The following SRPK2 variants were observed in gnomAD, a reference collection of about 807,000 sequenced individuals.
The protein encoded by SRPK2 is SRSF protein kinase 2, also known as SFRS protein kinase 2.
Under a neutral mutation model 90.8 loss-of-function variants are expected in SRPK2, and 21 were observed. The observed-to-expected ratio is 0.23, with a 90% CI of 0.16 to 0.33. The LOEUF (loss-of-function observed/expected upper bound fraction) is 0.33. Ranked by LOEUF, SRPK2 falls within the 10% of genes least tolerant of loss-of-function variation. The pLI, the probability that SRPK2 is intolerant of heterozygous loss-of-function variation, is 1.00. For missense variants in SRPK2, 620 were observed against 869.0 expected (o/e 0.71, Z 3.60); for synonymous variants, 288 against 311.1 (o/e 0.93, Z 0.78).
chr7:105,306,652 T>G (rs184628326), intron 2 of SRPK2: 1 of 367,384 alleles, frequency 2.7e-6, no homozygotes, highest in Non-Finnish European at 5.3e-6. Flanking sequence ...CCACCTTCAG[T>G]TGGAAAAGCA....
At chr7:105,252,356 G>A (rs1181091871) in intron 2 of SRPK2, among the ~76,000 whole-genome samples, 1 of 151,996 alleles carries the variant, frequency 6.6e-6, no homozygotes, top group African/African-American at 2.4e-5. Context: ...AAGGGCAAAA[G>A]GAAGCAATAT....
intron 2 of SRPK2, among the ~76,000 whole-genome samples, chr7:105,232,985 A>G (rs1240207364): frequency 6.6e-6 from 1 of 151,836 alleles, no homozygotes; most frequent in Non-Finnish European, 1.5e-5. Context: ...ACGCCACTGC[A>G]CTCCAGCCTA....
At chr7:105,346,857 T>TTA (rs1554517758) in intron 2 of SRPK2, among the ~76,000 whole-genome samples, 2 of 137,250 alleles carry the variant, frequency 1.5e-5, no homozygotes, top group Non-Finnish European at 3.1e-5. Context: ...TCTCATTTGT[T>TTA]AAAAAAAAAA....
At chr7:105,322,596 C>G (rs1264398311) in intron 2 of SRPK2, among the ~76,000 whole-genome samples, 1 of 152,020 alleles carries the variant, frequency 6.6e-6, no homozygotes, top group Non-Finnish European at 1.5e-5. Context: ...TAGGGAGCAG[C>G]TGCTTAATGG....
intron 2 of SRPK2, among the ~76,000 whole-genome samples, chr7:105,231,129 C>A (rs189216016): frequency 6.6e-6 from 1 of 152,128 alleles, no homozygotes; most frequent in Non-Finnish European, 1.5e-5. Context: ...CTTCTTTGTG[C>A]TGATTTGATG....
At chr7:105,320,516 A>G (rs192061460) in intron 2 of SRPK2, among the ~76,000 whole-genome samples, 3 of 152,350 alleles carry the variant, frequency 2.0e-5, no homozygotes, top group African/African-American at 7.2e-5. Context: ...GCTCATTTCC[A>G]CAGTACTCAA....
At chr7:105,393,338 G>T (rs1250725381), upstream of SRPK2, among the ~76,000 whole-genome samples, 2 of 151,904 alleles carry the variant, frequency 1.3e-5, no homozygotes, top group Non-Finnish European at 2.9e-5. Flanking sequence ...TACCATGTTG[G>T]CCAGGCTGGT....
intron 7 of SRPK2, among the ~76,000 whole-genome samples, chr7:105,152,983 G>A (rs1273365377): frequency 3.9e-5 from 6 of 152,272 alleles, no homozygotes; most frequent in Admixed American, 6.5e-5. Flanking sequence ...GCAGTGAGCC[G>A]AGATCGCGCC....
intron 2 of SRPK2, among the ~76,000 whole-genome samples, chr7:105,243,624 C>T (rs1490863256): frequency 7.7e-5 from 10 of 130,472 alleles, no homozygotes; most frequent in African/African-American, 3.4e-4. Flanking sequence ...GAGAGAGACT[C>T]CATCTCAAAA....
rs987234760 is a variant in SRPK2, at chr7:105,345,959, C to T, written c.71+42689G>A. Among the ~76,000 whole-genome samples, 9 of 152,312 alleles carry T rather than the reference C, an allele frequency of 5.9e-5. No homozygotes were observed. In the East Asian group the frequency reaches 1.2e-3, roughly 20 times the overall value. On this transcript the variant is annotated intron_variant, in intron 2 of 15. Coordinates refer to ENST00000393651, the MANE Select transcript of SRPK2 (RefSeq NM_182692.3). ...TTCCATAATCACAGAAAGTTCTGTTCGGTAGCAAAGGTTTAAAACGTTACA... is the reference window on the plus strand; with the variant it reads ...TTCCATAATCACAGAAAGTTCTGTTTGGTAGCAAAGGTTTAAAACGTTACA...
At chr7:105,233,500 G>A (rs1799766335) in intron 2 of SRPK2, among the ~76,000 whole-genome samples, 1 of 152,116 alleles carries the variant, frequency 6.6e-6, no homozygotes, top group South Asian at 2.1e-4. Context: ...AGAGATCAGT[G>A]GAAAAGAGGT....
chr7:105,291,044 C>CA (rs10684672), intron 2 of SRPK2, among the ~76,000 whole-genome samples: 4,105 of 83,680 alleles, frequency 0.049, 397 homozygotes, highest in African/African-American at 0.18. Flanking sequence ...GACTCCGTCT[C>CA]AAAAAAAAAA....
intron 2 of SRPK2, among the ~76,000 whole-genome samples, chr7:105,229,850 G>A (rs1799211186): frequency 6.6e-6 from 1 of 152,240 alleles, no homozygotes; most frequent in Non-Finnish European, 1.5e-5. Context: ...GCGAAGCTGA[G>A]TCGCTGTCCC....
chr7:105,222,136 C>T (rs62484668), intron 2 of SRPK2, among the ~76,000 whole-genome samples: 1,934 of 152,262 alleles, frequency 0.013, 32 homozygotes, highest in Admixed American at 0.04. Flanking sequence ...TTTGTCTATA[C>T]CTTACCAATT....
chr7:105,340,195 A>T (rs1002885308), intron 2 of SRPK2, among the ~76,000 whole-genome samples: 2 of 152,086 alleles, frequency 1.3e-5, no homozygotes, highest in Non-Finnish European at 1.5e-5. Flanking sequence ...TTTAAGATGT[A>T]TCTGTTTAAA....
At chr7:105,143,628 C>T (rs1382820281) in intron 9 of SRPK2, 1 of 350,044 alleles carries the variant, frequency 2.9e-6, no homozygotes, top group Admixed American at 4.5e-5. Context: ...TCGAAATTCT[C>T]TTGGCCTTAA....
At chr7:105,214,076 T>C (rs1375992693) in intron 2 of SRPK2, among the ~76,000 whole-genome samples, 2 of 152,144 alleles carry the variant, frequency 1.3e-5, no homozygotes, top group African/African-American at 2.4e-5. Flanking sequence ...AAAAATTCAG[T>C]CATCCTCCTT....
At chr7:105,346,112 T>G (rs1392114304) in intron 2 of SRPK2, among the ~76,000 whole-genome samples, 1 of 152,254 alleles carries the variant, frequency 6.6e-6, no homozygotes, top group Non-Finnish European at 1.5e-5. Context: ...AGGTGTACTT[T>G]ATATCAAAGC....
chr7:105,297,996 T>G (rs963760886), intron 2 of SRPK2, among the ~76,000 whole-genome samples: 1 of 152,176 alleles, frequency 6.6e-6, no homozygotes, highest in Non-Finnish European at 1.5e-5. Context: ...CACCTCAGCC[T>G]CCCAAAATGC....
Sources: gnomAD v4.1 joint callset for allele counts (sites outside exome capture counted in the v4.1 genomes callset) on GRCh38, gnomAD v4.1.1 for gene constraint, MANE v1.5 for transcripts, NCBI Gene and HGNC (gene_info 2026-07-23, HGNC 2026-07-21) for gene names.